The following SORCS1 variants were observed in gnomAD, a reference collection of about 807,000 sequenced individuals.
SORCS1 encodes sortilin related VPS10 domain containing receptor 1.
A neutral mutation model predicts 146.1 loss-of-function variants in SORCS1; 60 were observed. The ratio of observed to expected loss-of-function variants is 0.41; its 90% CI spans 0.33 to 0.51. The LOEUF (loss-of-function observed/expected upper bound fraction) is 0.51, where lower values mean the gene tolerates loss of function less well. Among genes scored for constraint, SORCS1 ranks in the 20% least tolerant of loss-of-function variants. The pLI is 0.21. For missense variants in SORCS1, 1,352 were observed against 1,487.6 expected (o/e 0.91, Z 1.50); for synonymous variants, 637 against 584.0 (o/e 1.09, Z -1.31).
intron 4 of SORCS1, among the ~76,000 whole-genome samples, chr10:106,767,102 T>C (rs1203747421): frequency 1.3e-5 from 2 of 152,102 alleles, no homozygotes; most frequent in Admixed American, 6.6e-5. Flanking sequence ...CCAATACTTG[T>C]GGGGAGCTGA....
chr10:106,779,883 CA>C (rs2136402599), intron 3 of SORCS1, among the ~76,000 whole-genome samples: 1 of 152,214 alleles, frequency 6.6e-6, no homozygotes, highest in African/African-American at 2.4e-5. Flanking sequence ...TCACAACCTT[CA>C]AATTAATTAA....
chr10:106,885,351 A>G (rs1029539342), intron 2 of SORCS1, among the ~76,000 whole-genome samples: 1 of 152,184 alleles, frequency 6.6e-6, no homozygotes, highest in Non-Finnish European at 1.5e-5. Flanking sequence ...AGTCAGCCTC[A>G]GATCAAATAG....
At chr10:107,052,462 G>A (rs1374481876) in intron 1 of SORCS1, among the ~76,000 whole-genome samples, 1 of 152,164 alleles carries the variant, frequency 6.6e-6, no homozygotes, top group Non-Finnish European at 1.5e-5. Flanking sequence ...GACAACAAAT[G>A]TGATGAAACC....
rs1844469468 is a variant in SORCS1 at position 106,573,786 on chromosome 10, T to C, written c.*3634A>G. ...AAAACAGCCAAAAACCTCAAGCCTG[T>C]GGTGTTTACTCTTTCTTATGCAATT... is the stretch of plus-strand genomic sequence containing the variant. On this transcript the variant is annotated 3_prime_UTR_variant, in exon 26 of 26. Transcript: ENST00000263054. 1 of 152,366 alleles carries C rather than the reference T, an allele frequency of 6.6e-6. No homozygotes were observed. The highest frequency in any genetic ancestry group is 1.5e-5 in the Non-Finnish European group (1 of 68,030). The allele number at this position is 152,366 out of a possible 1,614,324, so 9.4% of individuals were successfully genotyped here. A position where few individuals can be genotyped will look rare whatever the true frequency, so the allele number is the denominator to read the frequency against.
At chr10:106,784,404 A>C (rs1480087000) in intron 3 of SORCS1, among the ~76,000 whole-genome samples, 1 of 152,162 alleles carries the variant, frequency 6.6e-6, no homozygotes, top group Non-Finnish European at 1.5e-5. Context: ...AAAAAAAAAA[A>C]AAAAACCTAA....
intron 24 of SORCS1, among the ~76,000 whole-genome samples, chr10:106,588,355 G>A (rs1253910486): frequency 6.6e-6 from 1 of 152,128 alleles, no homozygotes; most frequent in African/African-American, 2.4e-5. Context: ...ATTTCCTCCT[G>A]TACTTAATAT....
chr10:106,829,847 T>G (rs1263910551), intron 2 of SORCS1, among the ~76,000 whole-genome samples, 174 bp from the exon 3 acceptor site: 3 of 152,178 alleles, frequency 2.0e-5, no homozygotes, highest in Non-Finnish European at 4.4e-5. Context: ...TGGTTAAAAT[T>G]TGCATTTAGA....
chr10:107,112,256 G>A (rs1965746356), intron 1 of SORCS1, among the ~76,000 whole-genome samples: 1 of 151,916 alleles, frequency 6.6e-6, no homozygotes, highest in African/African-American at 2.4e-5. Flanking sequence ...ATGGGAAATG[G>A]GGCAGTACAA....
intron 2 of SORCS1, among the ~76,000 whole-genome samples, chr10:106,860,883 A>C (rs1361495243): frequency 6.6e-6 from 1 of 152,156 alleles, no homozygotes; most frequent in East Asian, 1.9e-4. Flanking sequence ...CTTCTAGTAA[A>C]CTAGTTCAAC....
At chr10:107,044,590 A>C (rs940793917) in intron 1 of SORCS1, among the ~76,000 whole-genome samples, 4 of 149,554 alleles carry the variant, frequency 2.7e-5, no homozygotes, top group African/African-American at 4.9e-5. Context: ...TTGGGAGGCC[A>C]AGGTAGGTGG....
intron 1 of SORCS1, among the ~76,000 whole-genome samples, chr10:107,017,333 C>G (rs1294684010): frequency 6.6e-6 from 1 of 152,110 alleles, no homozygotes; most frequent in Admixed American, 6.5e-5. Flanking sequence ...AGCAAACTAC[C>G]GCTACACGAA....
At chr10:107,135,401 G>A (rs938774364) in intron 1 of SORCS1, among the ~76,000 whole-genome samples, 2 of 152,140 alleles carry the variant, frequency 1.3e-5, no homozygotes, top group African/African-American at 2.4e-5. Flanking sequence ...GCATTAAAGA[G>A]GCAAAAGTAT....
chr10:106,840,760 A>G (rs1948990927), intron 2 of SORCS1, among the ~76,000 whole-genome samples: 1 of 151,390 alleles, frequency 6.6e-6, no homozygotes, highest in Non-Finnish European at 1.5e-5. Flanking sequence ...TCTTCAGCAA[A>G]TATCAAGGCA....
chr10:106,743,329 A>G (rs972234404), intron 5 of SORCS1, among the ~76,000 whole-genome samples: 20 of 152,192 alleles, frequency 1.3e-4, no homozygotes, highest in Non-Finnish European at 2.5e-4. Context: ...CACAGGGGTC[A>G]CCATGCCCTC....
At position 106,699,238 on chromosome 10, in the gene SORCS1, G is replaced by T. The variant is rs1853943006; in HGVS notation, c.1389C>A (p.Gly463=). The change falls in exon 9 of 26, where the codon GGC becomes GGA. Residue 463 remains glycine, a synonymous_variant. Coordinates refer to ENST00000263054, the MANE Select transcript of SORCS1 (RefSeq NM_052918.5). ...CCTCATAGAGGTCGATCATGATGTT[G>T]CCCTCAGGGCCTCTGCTGCTCTGGA... ...ENVQSSRGPE[G]NIMIDLYEVA... is the part of the protein sequence containing the mutation. 11 of 1,613,236 alleles carry T rather than the reference G, an allele frequency of 6.8e-6. 1 individual carries two copies. In the East Asian group the frequency reaches 2.5e-4, roughly 36 times the overall value.
At chr10:106,602,873 A>G (rs576446065) in intron 23 of SORCS1, among the ~76,000 whole-genome samples, 4 of 152,214 alleles carry the variant, frequency 2.6e-5, no homozygotes, top group Non-Finnish European at 5.9e-5. Flanking sequence ...ATTCCATTTC[A>G]TAATAAATTT....
At chr10:106,703,735 T>C (rs1305494742) in intron 8 of SORCS1, among the ~76,000 whole-genome samples, 1 of 152,230 alleles carries the variant, frequency 6.6e-6, no homozygotes, top group African/African-American at 2.4e-5. Context: ...GCACCAGCCC[T>C]GACAGGCCAT....
At chr10:106,799,267 C>T (rs1946747189) in intron 3 of SORCS1, among the ~76,000 whole-genome samples, 1 of 152,130 alleles carries the variant, frequency 6.6e-6, no homozygotes, top group Non-Finnish European at 1.5e-5. Context: ...GACCTAAAAC[C>T]ATAAAAACCC....
At chr10:106,601,526 G>T (rs1013814609) in intron 23 of SORCS1, among the ~76,000 whole-genome samples, 2 of 152,172 alleles carry the variant, frequency 1.3e-5, no homozygotes, top group Non-Finnish European at 2.9e-5. Context: ...TCATCAAAAG[G>T]ATGTCTTGGG....
Sources: gnomAD v4.1 joint callset for allele counts (sites outside exome capture counted in the v4.1 genomes callset) on GRCh38, gnomAD v4.1.1 for gene constraint, MANE v1.5 for transcripts, NCBI Gene and HGNC (gene_info 2026-07-23, HGNC 2026-07-21) for gene names.